MICAL3: variants seen among roughly 807,000 people sequenced by gnomAD.
MICAL3 encodes the protein [F-actin]-monooxygenase MICAL3.
In MICAL3, 62 loss-of-function variants were observed where a neutral mutation model predicts 207.4. The ratio of observed to expected loss-of-function variants is 0.30; its 90% CI spans 0.24 to 0.37. The LOEUF (loss-of-function observed/expected upper bound fraction) is 0.37. Among genes scored for constraint, MICAL3 ranks in the 10% least tolerant of loss-of-function variants. The pLI is 1.00. For missense variants in MICAL3, 2,368 were observed against 2,635.6 expected, an observed-to-expected ratio of 0.90 and a Z score of 2.22; for synonymous variants, 1,077 against 1,069.3, an observed-to-expected ratio of 1.01 and a Z score of -0.14.
intron 19 of MICAL3, among the ~76,000 whole-genome samples, chr22:17,843,408 G>T (rs983664349): frequency 1.3e-5 from 2 of 152,048 alleles, no homozygotes; most frequent in African/African-American, 4.8e-5. Flanking sequence ...GAGTAGCACC[G>T]GGTCCAGGTG....
At chr22:17,863,082 C>A (rs1205265372) in intron 19 of MICAL3, 3 of 985,406 alleles carry the variant, frequency 3.0e-6, no homozygotes, top group Non-Finnish European at 3.6e-6. Flanking sequence ...TCCTCTTATT[C>A]TCTATGGAAA....
intron 1 of MICAL3, among the ~76,000 whole-genome samples, chr22:18,018,041 C>A (rs1283963215): frequency 6.6e-6 from 1 of 151,702 alleles, no homozygotes; most frequent in Admixed American, 6.6e-5. Flanking sequence ...TGCCACCGCG[C>A]CCGGCCGTAT....
chr22:17,912,095 C>T (rs1025908674), intron 1 of MICAL3, among the ~76,000 whole-genome samples: 1 of 152,164 alleles, frequency 6.6e-6, no homozygotes, highest in African/African-American at 2.4e-5. Flanking sequence ...TAGACTCCAG[C>T]CTGGGCAACA....
chr22:17,945,283 G>A (rs939233450), intron 1 of MICAL3, among the ~76,000 whole-genome samples: 1 of 152,260 alleles, frequency 6.6e-6, no homozygotes, highest in African/African-American at 2.4e-5. Flanking sequence ...TGCCAGCCGA[G>A]GGCCTGCGTC....
At chr22:17,869,054 T>C (rs1436790332) in intron 17 of MICAL3, among the ~76,000 whole-genome samples, 3 of 151,790 alleles carry the variant, frequency 2.0e-5, no homozygotes, top group Non-Finnish European at 2.9e-5. Flanking sequence ...GACCAGGGGG[T>C]GTGCTCCAGG....
intron 1 of MICAL3, among the ~76,000 whole-genome samples, chr22:17,945,320 A>G (rs1934012017): frequency 6.6e-6 from 1 of 152,188 alleles, no homozygotes; most frequent in Admixed American, 6.5e-5. Flanking sequence ...ACTAATGCAC[A>G]TGAAAATCTA....
intron 1 of MICAL3, among the ~76,000 whole-genome samples, chr22:17,995,341 T>C (rs1275422275): frequency 1.3e-5 from 2 of 152,072 alleles, no homozygotes; most frequent in South Asian, 4.2e-4. Flanking sequence ...CATGCCCGGC[T>C]AATTTTTAAA....
rs1366818736 is a variant in MICAL3, at chr22:17,900,956, T to C, written c.733A>G (p.Ile245Val). The C allele has an allele frequency of 6.2e-7, 1 of 1,614,062 alleles. No individual in the cohort carries two copies. The part of the protein sequence containing the change: ...KEFRGKLAIA[I>V]TANFINRNTT... ...TTTCGGTTGATAAAATTTGCCGTGA[T>C]GGCGATGGCCAGTTTGCCACGGAAT... Residue 245 changes from isoleucine (I) to valine (V), a missense_variant, in exon 6 of 32, where the codon ATC becomes GTC. Around this residue, in one of 4 missense-constraint regions of MICAL3, gnomAD observed 400 missense variants for 547.0 expected, o/e 0.73. Coordinates refer to ENST00000441493, the MANE Select transcript of MICAL3 (RefSeq NM_015241.3). This position sits in a 1 kb window ranked among gnomAD's most constrained non-coding sequence, Gnocchi z 4.0.
rs746832942 is a variant in MICAL3, at chr22:17,818,481, G to A, written c.4180C>T (p.Pro1394Ser). The stretch of plus-strand genomic sequence containing the variant: ...GGCAGGGACAACGGCTCGCCTTCCG[G>A]CTTTGGCAGGCCCAGCCTTTTGGGG... ...SIPKRLGLPK[P>S]EGEPLSLPTP... Residue 1394 changes from proline to serine, a missense_variant, in exon 26 of 32, where the codon CCG becomes TCG. Transcript: ENST00000441493. 4.5e-5 allele frequency: 73 copies of A among 1,612,774 alleles called. No individual in the cohort carries two copies. The highest frequency in any genetic ancestry group is 5.9e-5 in the Non-Finnish European group (70 of 1,179,892).
At chr22:17,835,522 G>GC (rs140926029) in intron 20 of MICAL3, among the ~76,000 whole-genome samples, 7,244 of 152,330 alleles carry the variant, frequency 0.048, 392 homozygotes, top group African/African-American at 0.13. Context: ...GAGGCTCCCA[G>GC]CACCTGCATC....
chr22:17,967,486 A>ACACACACACC lies in MICAL3; in HGVS notation c.-75+56794_-75+56795insGGTGTGTGTG, dbSNP rs147100307. Among the ~76,000 whole-genome samples the ACACACACACC allele has an allele frequency of 7.1e-3, 1,037 of 145,682 alleles. 6 individuals carry two copies. Among genetic ancestry groups the ACACACACACC allele is most frequent in the African/African-American group, 0.016 (642 of 39,406 alleles). On this transcript the variant is annotated intron_variant, in intron 1 of 31. Coordinates refer to ENST00000441493, the MANE Select transcript of MICAL3 (RefSeq NM_015241.3). ...CAAACACACACACACACACACACACACACACACCCACACACACCCACTCAT... is the reference window on the plus strand; with the variant it reads ...CAAACACACACACACACACACACACACACACACACCCACACACCCACACACACCCACTCAT...
chr22:17,875,928 G>A (rs1323518055), intron 16 of MICAL3, among the ~76,000 whole-genome samples: 1 of 152,186 alleles, frequency 6.6e-6, no homozygotes, highest in Non-Finnish European at 1.5e-5. Flanking sequence ...CCCCCGGCCT[G>A]AGCTGGGATT....
chr22:17,976,592 T>A (rs1264993403), intron 1 of MICAL3, among the ~76,000 whole-genome samples: 99 of 131,938 alleles, frequency 7.5e-4, no homozygotes, highest in East Asian at 4.4e-3. Flanking sequence ...TATATATATT[T>A]TTTTTTTTTT....
chr22:17,788,735 T>C lies in MICAL3; in HGVS notation c.*1997A>G, dbSNP rs1268379342. 3 of 152,304 alleles carry C rather than the reference T, an allele frequency of 2.0e-5. No homozygotes were observed. Among genetic ancestry groups the C allele is most frequent in the Admixed American group, 6.5e-5 (1 of 15,288 alleles). The allele number at this position is 152,304 out of a possible 1,614,324, so 9.4% of individuals were successfully genotyped here. ...AGCGGCGTTATCTCCCGGATGTGCA[T>C]GGGAGAGAGATGGCAGCTTCTGGAC... On this transcript the variant is annotated 3_prime_UTR_variant, in exon 32 of 32. Coordinates refer to ENST00000441493, the MANE Select transcript of MICAL3 (RefSeq NM_015241.3).
intron 19 of MICAL3, among the ~76,000 whole-genome samples, chr22:17,852,045 C>A (rs909593353): frequency 6.6e-5 from 10 of 152,174 alleles, no homozygotes; most frequent in Admixed American, 3.3e-4. Context: ...CACTCTCAGT[C>A]CGGAATGCAT....
At chr22:17,845,518 G>GT (rs1458420170) in intron 19 of MICAL3, among the ~76,000 whole-genome samples, 1 of 152,136 alleles carries the variant, frequency 6.6e-6, no homozygotes, top group Non-Finnish European at 1.5e-5. Context: ...CATAGAGAGA[G>GT]TGAGTCAGCA....
chr22:17,861,586 A>G (rs1926519968), intron 19 of MICAL3: 1 of 985,336 alleles, frequency 1.0e-6, no homozygotes, highest in Admixed American at 6.1e-5. Context: ...TCTCATGTCC[A>G]AGGGGAAAAT....
At chr22:17,871,676 G>T (rs1927736392) in intron 17 of MICAL3, among the ~76,000 whole-genome samples, 161 bp downstream of exon 17, 1 of 152,210 alleles carries the variant, frequency 6.6e-6, no homozygotes, top group Admixed American at 6.5e-5. Flanking sequence ...GAGTCTTAGA[G>T]AAAGAGTGAT....
intron 1 of MICAL3, among the ~76,000 whole-genome samples, chr22:17,950,088 CAG>C (rs1266776545): frequency 1.3e-5 from 2 of 151,896 alleles, no homozygotes; most frequent in Admixed American, 6.5e-5. Context: ...AGAGAGGAAA[CAG>C]TGTTTCAGAA....
Sources: allele counts gnomAD v4.1 joint callset (sites outside exome capture counted in the v4.1 genomes callset), GRCh38; gene constraint gnomAD v4.1.1; regional missense constraint gnomAD v4.1.1; non-coding constraint Gnocchi (gnomAD v3.1); transcripts MANE v1.5; gene names NCBI Gene and HGNC (gene_info 2026-07-23, HGNC 2026-07-21).